BCKDHB: variants seen among roughly 807,000 people sequenced by gnomAD.
BCKDHB encodes branched chain keto acid dehydrogenase E1 subunit beta.
In BCKDHB, 41 loss-of-function variants were observed where a neutral mutation model predicts 48.5. That is an observed-to-expected ratio of 0.85 (90% CI 0.66 to 1.10). The LOEUF is 1.10. Among genes scored for constraint, BCKDHB ranks in the 50% least tolerant of loss-of-function variants. The pLI is 0.00. For missense variants in BCKDHB, 496 were observed against 494.2 expected, an observed-to-expected ratio of 1.00 and a Z score of -0.03; for synonymous variants, 201 against 174.8, an observed-to-expected ratio of 1.15 and a Z score of -1.18.
intron 6 of BCKDHB, among the ~76,000 whole-genome samples, chr6:80,173,634 G>A (rs745335614): frequency 1.1e-4 from 17 of 152,096 alleles, no homozygotes; most frequent in African/African-American, 2.2e-4. Context: ...TCAAGTTTGC[G>A]AAACACTGCC....
intron 8 of BCKDHB, among the ~76,000 whole-genome samples, chr6:80,241,081 T>A (rs1053947434): frequency 1.5e-4 from 23 of 152,162 alleles, no homozygotes; most frequent in African/African-American, 5.6e-4. Context: ...TGTTCTCATG[T>A]CATGGTTTTC....
the BCKDHB span, chr6:80,454,363 C>T: frequency 6.6e-6 from 1 of 152,214 alleles, no homozygotes; most frequent in African/African-American, 2.4e-5. Context: ...TTCTTTCCAA[C>T]CACAATTAGT....
At chr6:80,266,797 T>C (rs940938509) in intron 8 of BCKDHB, among the ~76,000 whole-genome samples, 1 of 152,050 alleles carries the variant, frequency 6.6e-6, no homozygotes, top group African/African-American at 2.4e-5. Context: ...AGACTTCCAG[T>C]CTTGAAGAGT....
chr6:80,221,656 T>C (rs956447101), intron 8 of BCKDHB, among the ~76,000 whole-genome samples: 7 of 152,180 alleles, frequency 4.6e-5, no homozygotes, highest in Non-Finnish European at 1.0e-4. Flanking sequence ...GACTGAATGA[T>C]GATGAATGAA....
intron 9 of BCKDHB, among the ~76,000 whole-genome samples, chr6:80,295,971 A>G (rs1767220185): frequency 6.6e-6 from 1 of 152,244 alleles, no homozygotes; most frequent in South Asian, 2.1e-4. Context: ...CTCAATTGTT[A>G]AAAGCTATTA....
intron 9 of BCKDHB, among the ~76,000 whole-genome samples, chr6:80,343,055 C>A (rs1329076117): frequency 6.6e-6 from 1 of 152,084 alleles, no homozygotes; most frequent in African/African-American, 2.4e-5. Context: ...GGCTTCCCAG[C>A]GGGAGTGATT....
At chr6:80,257,678 C>G (rs1344622485) in intron 8 of BCKDHB, among the ~76,000 whole-genome samples, 3 of 151,860 alleles carry the variant, frequency 2.0e-5, no homozygotes, top group Admixed American at 2.0e-4. Context: ...CAGACTAAGT[C>G]TAAAGGCCTC....
At chr6:80,111,431 T>C (rs1192579346) in intron 1 of BCKDHB, among the ~76,000 whole-genome samples, 1 of 151,936 alleles carries the variant, frequency 6.6e-6, no homozygotes, top group African/African-American at 2.4e-5. Flanking sequence ...GTGCCAGGGG[T>C]TGTAACTGAT....
At chr6:80,133,567 G>A (rs1770736696) in intron 3 of BCKDHB, among the ~76,000 whole-genome samples, 1 of 152,212 alleles carries the variant, frequency 6.6e-6, no homozygotes, top group Non-Finnish European at 1.5e-5. Flanking sequence ...GGGAAGCAGG[G>A]AGTGGGAGAG....
intron 9 of BCKDHB, among the ~76,000 whole-genome samples, chr6:80,309,132 C>T (rs986352090): frequency 6.6e-6 from 1 of 151,406 alleles, no homozygotes; most frequent in Non-Finnish European, 1.5e-5. Flanking sequence ...AGCATGATCT[C>T]GGCTCACTGC....
chr6:80,237,622 A>G (rs1037254146), intron 8 of BCKDHB, among the ~76,000 whole-genome samples: 2 of 152,122 alleles, frequency 1.3e-5, no homozygotes, highest in Admixed American at 1.3e-4. Context: ...GAGAACTATT[A>G]TTGTCTTCTA....
chr6:80,123,861 T>A (rs1446772282), intron 1 of BCKDHB, among the ~76,000 whole-genome samples: 1 of 152,192 alleles, frequency 6.6e-6, no homozygotes, highest in African/African-American at 2.4e-5. Context: ...ATTCATTGAT[T>A]TTTTTGAACG....
At chr6:80,458,852 T>C in the BCKDHB span, among the ~76,000 whole-genome samples, 1 of 152,054 alleles carries the variant, frequency 6.6e-6, no homozygotes, top group Non-Finnish European at 1.5e-5. Context: ...ATCACCTAAC[T>C]GTCATGAACA....
At chr6:80,291,992 C>T (rs1766944401) in intron 9 of BCKDHB, among the ~76,000 whole-genome samples, 1 of 152,108 alleles carries the variant, frequency 6.6e-6, no homozygotes, top group Non-Finnish European at 1.5e-5. Context: ...AAAAGCTGAG[C>T]CCTGCCATGG....
At chr6:80,430,497 CT>C in the BCKDHB span, among the ~76,000 whole-genome samples, 3 of 152,140 alleles carry the variant, frequency 2.0e-5, no homozygotes, top group East Asian at 5.8e-4. Flanking sequence ...TGGTCCTGGA[CT>C]TTTTTTGGTT....
At chr6:80,164,390 AT>A (rs1426328306) in intron 3 of BCKDHB, among the ~76,000 whole-genome samples, 2 of 152,116 alleles carry the variant, frequency 1.3e-5, no homozygotes, top group Non-Finnish European at 2.9e-5. Context: ...ACACATCCTC[AT>A]TTATTTAAAC....
chr6:80,461,512 T>G, the BCKDHB span, among the ~76,000 whole-genome samples: 1 of 152,170 alleles, frequency 6.6e-6, no homozygotes, highest in East Asian at 1.9e-4. Flanking sequence ...AAAATAGACA[T>G]CTGATCATTT....
chr6:80,384,349 T>TTCTTC, the BCKDHB span, among the ~76,000 whole-genome samples: 9 of 31,628 alleles, frequency 2.8e-4, no homozygotes, highest in African/African-American at 1.1e-3. Flanking sequence ...CTTCTTCTTC[T>TTCTTC]TTTTTTTTTT....
intron 1 of BCKDHB, among the ~76,000 whole-genome samples, chr6:80,111,519 A>G (rs1046011977): frequency 6.6e-6 from 1 of 152,196 alleles, no homozygotes; most frequent in Non-Finnish European, 1.5e-5. Context: ...TTGCATTTGA[A>G]GCAAGAGTCT....
Sources: allele counts gnomAD v4.1 joint callset (sites outside exome capture counted in the v4.1 genomes callset), GRCh38; gene constraint gnomAD v4.1.1; transcripts MANE v1.5; gene names NCBI Gene and HGNC (gene_info 2026-07-23, HGNC 2026-07-21).